Variants in PER2 observed in about 807,000 individuals in gnomAD.
PER2 encodes the protein period circadian regulator 2.
A neutral mutation model predicts 121.0 loss-of-function variants in PER2; 66 were observed. The ratio of observed to expected loss-of-function variants is 0.55; its 90% confidence interval spans 0.45 to 0.67. The LOEUF (loss-of-function observed/expected upper bound fraction) is 0.67. Ranked by LOEUF, PER2 falls within the 30% of genes least tolerant of loss-of-function variation. The pLI, the probability that PER2 is intolerant of heterozygous loss-of-function variation, is 0.00. For synonymous variants in PER2, 684 were observed against 659.9 expected, an observed-to-expected ratio of 1.04 and a Z score of -0.56; for missense variants, 1,521 against 1,635.0, an observed-to-expected ratio of 0.93 and a Z score of 1.20.
chr2:238,258,013 C>T (rs1210321634), intron 16 of PER2, among the ~76,000 whole-genome samples: 1 of 152,268 alleles, frequency 6.6e-6, no homozygotes, highest in African/African-American at 2.4e-5. Context: ...GATGTCCCTG[C>T]AGTGTGTCTG....
rs1020402008 is a variant in PER2, at chr2:238,260,122, A to G, written c.1543-69T>C. The G allele has an allele frequency of 5.6e-6, 4 of 716,182 alleles. No homozygotes were observed. In the African/African-American group the frequency reaches 7.1e-5, roughly 13 times the overall value. 44.4% of individuals were successfully genotyped at this position (716,182 alleles called of 1,614,324 possible). A position where few individuals can be genotyped will look rare whatever the true frequency, so the allele number is the denominator to read the frequency against. On this transcript the variant is annotated intron_variant, in intron 13 of 22. Coordinates refer to ENST00000254657, the MANE Select transcript of PER2 (RefSeq NM_022817.3). ...CTCCTTCAGTCTGTCCGGCAAAGTGAGAACAGAGGATGGCTGAAATAATTT... is the reference window on the plus strand; with the variant it reads ...CTCCTTCAGTCTGTCCGGCAAAGTGGGAACAGAGGATGGCTGAAATAATTT...
Position 238,251,693 on chromosome 2 carries a change from C to CAGG in PER2, c.3177_3179dup (p.Leu1061dup). The CAGG allele has an allele frequency of 6.2e-7, 1 of 1,614,056 alleles. No homozygotes were observed. The highest frequency in any genetic ancestry group is 8.5e-7 in the Non-Finnish European group (1 of 1,179,920). On this transcript the variant is annotated inframe_insertion, in exon 20 of 23. Coordinates refer to ENST00000254657, the MANE Select transcript of PER2 (RefSeq NM_022817.3). ...AGGCTGAGCAGAGGTCCTCATTCAGCAGGAGGTTTAGGAGGCCGCTTGACG... is the reference window on the plus strand; with the variant it reads ...AGGCTGAGCAGAGGTCCTCATTCAGCAGGAGGAGGTTTAGGAGGCCGCTTGACG...
intron 13 of PER2, 147 bp from the exon 14 acceptor site, chr2:238,260,200 A>G: frequency 1.6e-6 from 1 of 612,248 alleles, no homozygotes; most frequent in Non-Finnish European, 3.0e-6. Context: ...GTAGAGCTAG[A>G]TAAAACCTAT....
At chr2:238,279,571 T>A (rs1696567787) in intron 1 of PER2, among the ~76,000 whole-genome samples, 1 of 152,188 alleles carries the variant, frequency 6.6e-6, no homozygotes, top group Non-Finnish European at 1.5e-5. Flanking sequence ...GCATTCCACT[T>A]CTGCATGGCA....
intron 5 of PER2, among the ~76,000 whole-genome samples, chr2:238,271,895 G>A (rs1171769947): frequency 6.6e-6 from 1 of 151,088 alleles, no homozygotes; most frequent in Non-Finnish European, 1.5e-5. Flanking sequence ...AAAGATGCCT[G>A]CCCCAAGATA....
chr2:238,250,159 TG>T (rs1695559723), intron 21 of PER2, among the ~76,000 whole-genome samples: 1 of 152,318 alleles, frequency 6.6e-6, no homozygotes, highest in East Asian at 1.9e-4. Flanking sequence ...CCTTGACACT[TG>T]GTTCCTTCAA....
In PER2 at chr2:238,245,531, CAT is replaced by C. The variant is rs201144790; in HGVS notation, c.*842_*843del. The C allele has an allele frequency of 0.029, 11,610 of 398,554 alleles. 472 individuals carry two copies. Among genetic ancestry groups the C allele is most frequent in the African/African-American group, 0.12 (6,052 of 48,678 alleles). 24.7% of individuals were successfully genotyped at this position (398,554 alleles called of 1,614,324 possible). On this transcript the variant is annotated 3_prime_UTR_variant, in exon 23 of 23. Transcript: ENST00000254657. ...GAAAACCAAACAGGACTGGGTCTCACATGTGTTGGTCACAGCCTGGTTTGCAA... is the reference window on the plus strand; with the variant it reads ...GAAAACCAAACAGGACTGGGTCTCACGTGTTGGTCACAGCCTGGTTTGCAA...
At chr2:238,260,148 C>T (rs1455402776) in intron 13 of PER2, 95 bp from the exon 14 acceptor site, 1 of 675,966 alleles carries the variant, frequency 1.5e-6, no homozygotes, top group African/African-American at 1.8e-5. Context: ...GAAATAATTT[C>T]AGCAACACAG....
rs1695953466 is a variant in PER2, at chr2:238,262,185, A to C, written c.1307+6T>G. Reference sequence around the variant, plus strand: ...CTGAGCCACCTCGGGCCCTTGGAGCACTCACACCCTGACTTTGTGCCTCCC... The same window carrying C: ...CTGAGCCACCTCGGGCCCTTGGAGCCCTCACACCCTGACTTTGTGCCTCCC... On this transcript the variant is annotated splice_donor_region_variant and intron_variant, in intron 11 of 22. Transcript: ENST00000254657. The C allele has an allele frequency of 6.2e-7, 1 of 1,613,382 alleles. No homozygotes were observed. Among genetic ancestry groups the C allele is most frequent in the East Asian group, 2.2e-5 (1 of 44,864 alleles).
upstream of PER2, among the ~76,000 whole-genome samples, chr2:238,290,832 G>A (rs991451928): frequency 1.3e-5 from 2 of 152,146 alleles, no homozygotes; most frequent in African/African-American, 4.8e-5. Flanking sequence ...CTAAGTTGTG[G>A]TGTGTAGGTC....
chr2:238,255,202 C>A (rs1690040672), intron 18 of PER2: 1 of 263,050 alleles, frequency 3.8e-6, no homozygotes, highest in African/African-American at 2.3e-5. Context: ...AAAGCCCAGC[C>A]CTGAGGCTGG....
chr2:238,253,613 G>A lies in PER2; in HGVS notation c.2410C>T (p.Pro804Ser), dbSNP rs1442860380. ...NRKLKSKRVKPRDSSESTGSG... is the reference protein window; with the variant it reads ...NRKLKSKRVKSRDSSESTGSG... ...CCGGTGCTCTCAGATGAGTCTCGAGGTTTGACCCGCTTGGACTTCAATTTT... is the reference window on the plus strand; with the variant it reads ...CCGGTGCTCTCAGATGAGTCTCGAGATTTGACCCGCTTGGACTTCAATTTT... The change falls in exon 19 of 23, where the codon CCT becomes TCT. Residue 804 changes from proline to serine, a missense_variant. Coordinates refer to ENST00000254657, the MANE Select transcript of PER2 (RefSeq NM_022817.3). This position sits in a 1 kb window ranked among gnomAD's most constrained non-coding sequence, Gnocchi z 5.6. 1 of 1,610,134 alleles carries A rather than the reference G, an allele frequency of 6.2e-7. No individual in the cohort carries two copies. Among genetic ancestry groups the A allele is most frequent in the Admixed American group, 1.7e-5 (1 of 59,672 alleles).
intron 1 of PER2, among the ~76,000 whole-genome samples, chr2:238,278,487 C>T (rs71426512): frequency 0.092 from 13,945 of 152,236 alleles, 693 homozygotes; most frequent in South Asian, 0.13. Flanking sequence ...GAGGCAGCCT[C>T]AGCCCGACAT....
chr2:238,256,296 T>C (rs530629146), intron 17 of PER2, among the ~76,000 whole-genome samples: 78 of 152,288 alleles, frequency 5.1e-4, no homozygotes, highest in African/African-American at 1.6e-3. Context: ...TGGGACCCTA[T>C]GGGCCCATGG....
At chr2:238,250,414 T>G (rs778028891) in intron 21 of PER2, 137 bp downstream of exon 21, 2 of 703,992 alleles carry the variant, frequency 2.8e-6, no homozygotes, top group Non-Finnish European at 2.5e-6. Flanking sequence ...GGAAGCCTGC[T>G]TCTCTGCTGC....
upstream of PER2, among the ~76,000 whole-genome samples, chr2:238,292,455 G>A (rs1252563175): frequency 6.6e-6 from 1 of 152,172 alleles, no homozygotes; most frequent in African/African-American, 2.4e-5. Flanking sequence ...TGGCTCCTTT[G>A]CAAAGGATGC....
In PER2 at chr2:238,268,395, C is replaced by A. The variant is rs1696178113; in HGVS notation, c.825-197G>T. On this transcript the variant is annotated intron_variant, in intron 7 of 22. Transcript: ENST00000254657. This position sits in a 1 kb window ranked among gnomAD's most constrained non-coding sequence, Gnocchi z 4.0. ...ATACTGAAGGGCAAATCAGAGTTAA[C>A]ACCCCCACCAGTGGGGCAGCCTGGA... 6.6e-6 allele frequency among the ~76,000 whole-genome samples: 1 copy of A among 152,188 alleles called. No individual in the cohort carries two copies. Among genetic ancestry groups the A allele is most frequent in the Non-Finnish European group, 1.5e-5 (1 of 68,038 alleles).
At chr2:238,266,883 A>C (rs1174108082) in intron 8 of PER2, among the ~76,000 whole-genome samples, 1 of 122,908 alleles carries the variant, frequency 8.1e-6, no homozygotes, top group Non-Finnish European at 1.8e-5. Context: ...ACTAAAATAC[A>C]AAAAAAAAGA....
chr2:238,277,331 A>C (rs1696486043), intron 2 of PER2, 138 bp from the exon 3 acceptor site: 9 of 740,188 alleles, frequency 1.2e-5, no homozygotes, highest in Middle Eastern at 3.4e-4. Flanking sequence ...GTTAAGATAA[A>C]ACTGGAATAT....
Sources: gnomAD v4.1 joint callset for allele counts (sites outside exome capture counted in the v4.1 genomes callset) on GRCh38, gnomAD v4.1.1 for gene constraint, Gnocchi (gnomAD v3.1) non-coding constraint, MANE v1.5 for transcripts, NCBI Gene and HGNC (gene_info 2026-07-23, HGNC 2026-07-21) for gene names.